The following TLN2 variants were observed in gnomAD, a reference collection of about 807,000 sequenced individuals.
TLN2 encodes talin 2, also known as talin-2.
TLN2 carries 118 observed loss-of-function variants against 294.7 expected under a neutral mutation model. The observed-to-expected ratio is 0.40, with a 90% CI of 0.34 to 0.47. TLN2 has a LOEUF of 0.47. TLN2 is among the 20% of genes least tolerant of loss of function. The pLI is 0.84. For synonymous variants in TLN2, 1,431 were observed against 1,304.5 expected (o/e 1.10, Z -2.09); for missense variants, 3,083 against 3,282.2 (o/e 0.94, Z 1.48).
At chr15:62,786,582 T>C (rs1366026117) in intron 45 of TLN2, among the ~76,000 whole-genome samples, 7 of 152,224 alleles carry the variant, frequency 4.6e-5, no homozygotes, top group Admixed American at 4.6e-4. Context: ...GGAAAAGATT[T>C]AGCGACAACA....
chr15:62,723,498 C>T lies in TLN2; in HGVS notation c.3126+1011C>T, dbSNP rs116748078. Reference sequence around the variant, plus strand: ...AGTGACCCCTAAAGTGGGACTCAAGCAAGACTGTCCATTGGGTACAGGAAG... The same window carrying T: ...AGTGACCCCTAAAGTGGGACTCAAGTAAGACTGTCCATTGGGTACAGGAAG... On this transcript the variant is annotated intron_variant, in intron 26 of 58. Transcript: ENST00000636159. 5.1e-3 allele frequency among the ~76,000 whole-genome samples: 760 copies of T among 149,272 alleles called. 6 individuals are homozygous for T. Among genetic ancestry groups the T allele is most frequent in the African/African-American group, 0.017 (697 of 40,666 alleles).
chr15:62,491,087 C>CGA (rs1353064491), intron 1 of TLN2, among the ~76,000 whole-genome samples: 3 of 151,986 alleles, frequency 2.0e-5, no homozygotes, highest in Admixed American at 2.0e-4. Flanking sequence ...TGTGGGAGGC[C>CGA]GAGGCAGGCA....
chr15:62,762,602 T>C (rs375705136), intron 39 of TLN2, 149 bp downstream of exon 39: 29 of 841,238 alleles, frequency 3.4e-5, no homozygotes, highest in African/African-American at 2.6e-4. Flanking sequence ...CTGGTCACAA[T>C]AGTAATTGCT....
chr15:62,755,790 G>A, intron 37 of TLN2, 97 bp downstream of exon 37: 1 of 1,460,098 alleles, frequency 6.8e-7, no homozygotes, highest in East Asian at 2.4e-5. Flanking sequence ...TCCTTGTCTA[G>A]TGAAGCTTAA....
intron 2 of TLN2, among the ~76,000 whole-genome samples, chr15:62,606,271 TA>T (rs1226754014): frequency 3.5e-5 from 5 of 143,488 alleles, no homozygotes; most frequent in Admixed American, 1.4e-4. Flanking sequence ...TTTGTATTTT[TA>T]GTAGAGACAG....
intron 41 of TLN2, among the ~76,000 whole-genome samples, chr15:62,769,395 T>C (rs990344258): frequency 5.3e-5 from 8 of 152,158 alleles, no homozygotes; most frequent in African/African-American, 1.9e-4. Context: ...AAGTGGGAAG[T>C]AGGGACGAAA....
intron 42 of TLN2, among the ~76,000 whole-genome samples, chr15:62,774,151 G>A (rs2063537067): frequency 6.6e-6 from 1 of 152,134 alleles, no homozygotes; most frequent in Non-Finnish European, 1.5e-5. Flanking sequence ...CTCTACCAAA[G>A]TTGAAATCTG....
chr15:62,480,578 A>G (rs2038030034), intron 1 of TLN2, among the ~76,000 whole-genome samples: 1 of 152,174 alleles, frequency 6.6e-6, no homozygotes, highest in African/African-American at 2.4e-5. Context: ...GTAATTTACA[A>G]CCTGTTGATA....
intron 1 of TLN2, among the ~76,000 whole-genome samples, chr15:62,465,104 G>GTTTTT (rs57890839): frequency 4.7e-5 from 4 of 85,522 alleles, no homozygotes; most frequent in Admixed American, 3.2e-4. Context: ...TGGTGAGCGC[G>GTTTTT]TTTTTTTTTT....
chr15:62,729,038 A>T (rs1430160599), intron 28 of TLN2, among the ~76,000 whole-genome samples: 1 of 152,188 alleles, frequency 6.6e-6, no homozygotes, highest in Non-Finnish European at 1.5e-5. Flanking sequence ...AGTAGGATTC[A>T]TTTAATTGTT....
rs1363715104 is a variant in TLN2, at chr15:62,618,459, A to G, written c.-53A>G. 6.6e-6 allele frequency: 1 copy of G among 152,172 alleles called. No homozygotes were observed. The highest frequency in any genetic ancestry group is 2.4e-5 in the African/African-American group (1 of 41,416). 9.4% of individuals were successfully genotyped at this position (152,172 alleles called of 1,614,324 possible). ...CTCAGTGGGAGCTCCTGGTCAGAGG[A>G]CTTGGATGTTGTCATTGTGAGTTGT... On this transcript the variant is annotated 5_prime_UTR_variant, in exon 3 of 59. Transcript: ENST00000636159.
chr15:62,655,331 CCT>C (rs2053085338), intron 7 of TLN2, among the ~76,000 whole-genome samples: 1 of 151,278 alleles, frequency 6.6e-6, no homozygotes, highest in African/African-American at 2.4e-5. Context: ...GTGGTCGAAT[CCT>C]GTGCACATAG....
At chr15:62,695,328 G>T (rs2058249856) in intron 14 of TLN2, among the ~76,000 whole-genome samples, 1 of 152,200 alleles carries the variant, frequency 6.6e-6, no homozygotes, top group Non-Finnish European at 1.5e-5. Context: ...AACGCAGGAA[G>T]AAGTGGAAGG....
Position 62,840,330 on chromosome 15 carries a change from C to G in TLN2, c.7501-152C>G, listed in dbSNP as rs1281302750. The G allele has an allele frequency of 3.5e-6, 4 of 1,139,640 alleles. No homozygotes were observed. In the Admixed American group the frequency reaches 9.9e-5, roughly 28 times the overall value. The allele number at this position is 1,139,640 out of a possible 1,614,324, so 70.6% of individuals were successfully genotyped here. The stretch of plus-strand genomic sequence containing the variant: ...ATTAGTCTCAAAACCCAAACAGTGA[C>G]AGAGGCTGGTCGCCAGAGCTAAGAA... On this transcript the variant is annotated intron_variant, in intron 58 of 58. Coordinates refer to ENST00000636159, the MANE Select transcript of TLN2 (RefSeq NM_015059.3).
At chr15:62,599,673 A>G (rs1247041696) in intron 2 of TLN2, among the ~76,000 whole-genome samples, 1 of 152,156 alleles carries the variant, frequency 6.6e-6, no homozygotes, top group Non-Finnish European at 1.5e-5. Flanking sequence ...CAGTTTATTT[A>G]TCTCTAAGGG....
At chr15:62,756,722 A>G (rs2062276867) in intron 37 of TLN2, among the ~76,000 whole-genome samples, 1 of 152,116 alleles carries the variant, frequency 6.6e-6, no homozygotes, top group Non-Finnish European at 1.5e-5. Context: ...TGCACACCTC[A>G]TTTTGTTTTG....
chr15:62,666,374 C>T (rs1028227816), intron 9 of TLN2, among the ~76,000 whole-genome samples: 2 of 152,148 alleles, frequency 1.3e-5, no homozygotes, highest in African/African-American at 4.8e-5. Context: ...CTTCACGCAG[C>T]ATTCACCTTG....
intron 22 of TLN2, among the ~76,000 whole-genome samples, chr15:62,714,209 C>T (rs77725961): frequency 0.03 from 1,830 of 61,816 alleles, 29 homozygotes; most frequent in African/African-American, 0.053. Flanking sequence ...TTTTTTTTTT[C>T]TTTTTTTTTT....
Position 62,673,762 on chromosome 15 carries a change from C to A in TLN2, c.789-65C>A, listed in dbSNP as rs936280626. 3.7e-5 allele frequency: 48 copies of A among 1,304,994 alleles called. No individual in the cohort carries two copies. In the Admixed American group the frequency reaches 8.5e-4, roughly 23 times the overall value. The allele number at this position is 1,304,994 out of a possible 1,614,324, so 80.8% of individuals were successfully genotyped here. On this transcript the variant is annotated intron_variant, in intron 9 of 58. Coordinates refer to ENST00000636159, the MANE Select transcript of TLN2 (RefSeq NM_015059.3). ...GTTAACTATGAGTTTTATTAAATGT[C>A]TTTGCTTTGCTTCTCATCATGGAAC...
Sources: gnomAD v4.1 joint callset for allele counts (sites outside exome capture counted in the v4.1 genomes callset) on GRCh38, gnomAD v4.1.1 for gene constraint, MANE v1.5 for transcripts, NCBI Gene and HGNC (gene_info 2026-07-23, HGNC 2026-07-21) for gene names.